Variants in FHIT observed in about 807,000 individuals in gnomAD.
FHIT encodes bis(5'-adenosyl)-triphosphatase.
In FHIT, 19 loss-of-function variants were observed where a neutral mutation model predicts 17.9. That is an observed-to-expected ratio of 1.06 (90% CI 0.74 to 1.56). The LOEUF is 1.56. FHIT is among the 40% of genes most tolerant of loss of function. The pLI is 0.00. For synonymous variants in FHIT, 81 were observed against 69.7 expected (o/e 1.16, Z -0.81); for missense variants, 248 against 189.2 (o/e 1.31, Z -1.82).
At chr3:60,167,113 T>C (rs899369499) in intron 5 of FHIT, among the ~76,000 whole-genome samples, 1 of 152,194 alleles carries the variant, frequency 6.6e-6, no homozygotes, top group African/African-American at 2.4e-5. Context: ...AAGACTGTCT[T>C]TCCCCCCTTT....
At chr3:61,110,362 C>T (rs2036121709) in intron 2 of FHIT, among the ~76,000 whole-genome samples, 1 of 152,128 alleles carries the variant, frequency 6.6e-6, no homozygotes, top group South Asian at 2.1e-4. Flanking sequence ...ACTCCAGTCA[C>T]ATCTTCAATG....
At chr3:59,999,925 T>C (rs1699663468) in intron 7 of FHIT, among the ~76,000 whole-genome samples, 1 of 152,084 alleles carries the variant, frequency 6.6e-6, no homozygotes, top group African/African-American at 2.4e-5. Flanking sequence ...CTAATTTAAA[T>C]GTCTGGAAGT....
At chr3:60,538,393 C>T (rs2036063846) in intron 4 of FHIT, among the ~76,000 whole-genome samples, 1 of 152,070 alleles carries the variant, frequency 6.6e-6, no homozygotes, top group Admixed American at 6.5e-5. Flanking sequence ...CAATGCCATC[C>T]CCATCAAGAT....
Position 60,584,816 on chromosome 3 carries a change from T to G in FHIT, c.-17-47837A>C, listed in dbSNP as rs139478008. 1.8e-3 allele frequency among the ~76,000 whole-genome samples: 272 copies of G among 152,116 alleles called. 3 individuals are homozygous for G. The highest frequency in any genetic ancestry group is 6.2e-3 in the African/African-American group (259 of 41,532). ...TATTTTTGCTACTACTGAATGAAGA[T>G]CCTTACAATGTAATATCTAGCAATG... On this transcript the variant is annotated intron_variant, in intron 4 of 9. Transcript: ENST00000492590.
rs1010948900 is a variant in FHIT at position 60,402,699 on chromosome 3, G to A, written c.103+134161C>T. On this transcript the variant is annotated intron_variant, in intron 5 of 9. Coordinates refer to ENST00000492590, the MANE Select transcript of FHIT (RefSeq NM_002012.4). ...ATACAATACCATCTGTAATAAAGTA[G>A]CACTAGCACTCATCTGGACTATTTT... 2.6e-5 allele frequency among the ~76,000 whole-genome samples: 4 copies of A among 152,098 alleles called. No homozygotes were observed. The East Asian group carries it at 7.7e-4, about 29-fold the overall frequency.
At chr3:59,799,235 G>C (rs1699898940) in intron 8 of FHIT, among the ~76,000 whole-genome samples, 2 of 152,142 alleles carry the variant, frequency 1.3e-5, no homozygotes, top group African/African-American at 4.8e-5. Flanking sequence ...TGGGTGACTG[G>C]GCAGGTCTTG....
chr3:60,569,734 T>TATATATAC lies in FHIT; in HGVS notation c.-17-32756_-17-32755insGTATATAT, dbSNP rs1553654735. On this transcript the variant is annotated intron_variant, in intron 4 of 9. Transcript: ENST00000492590. ...TATTTATTTATTAATACTATATATA[T>TATATATAC]ATATATATATATATATATATATTTT... 1.2e-3 allele frequency among the ~76,000 whole-genome samples: 52 copies of TATATATAC among 44,060 alleles called. 2 individuals are homozygous for TATATATAC. Among genetic ancestry groups the TATATATAC allele is most frequent in the South Asian group, 5.1e-3 (4 of 784 alleles). The allele number at this position is 44,060 out of a possible 152,430, so 28.9% of individuals were successfully genotyped here. A position where few individuals can be genotyped will look rare whatever the true frequency, so the allele number is the denominator to read the frequency against.
chr3:60,766,046 T>TTC (rs1343087302), intron 4 of FHIT, among the ~76,000 whole-genome samples: 4 of 152,020 alleles, frequency 2.6e-5, no homozygotes, highest in Non-Finnish European at 5.9e-5. Context: ...CACTACCAGC[T>TTC]TCTCTCTCTC....
chr3:60,925,601 G>C (rs1200292956), intron 3 of FHIT, among the ~76,000 whole-genome samples: 12 of 152,152 alleles, frequency 7.9e-5, no homozygotes, highest in African/African-American at 2.9e-4. Flanking sequence ...AGCCACTGCA[G>C]AAATATACCA....
chr3:60,400,273 G>C (rs1701611207), intron 5 of FHIT, among the ~76,000 whole-genome samples: 2 of 152,128 alleles, frequency 1.3e-5, no homozygotes, highest in Admixed American at 6.6e-5. Context: ...TGGAGACATG[G>C]AGAACAGAGG....
chr3:60,484,593 G>T (rs2033757208), intron 5 of FHIT, among the ~76,000 whole-genome samples: 1 of 152,146 alleles, frequency 6.6e-6, no homozygotes. Context: ...TCAATAAATG[G>T]TTCTGGGAAA....
chr3:60,537,016 T>C, intron 4 of FHIT, 37 bp from the exon 5 acceptor site: 3 of 1,559,692 alleles, frequency 1.9e-6, no homozygotes, highest in South Asian at 1.2e-5. Context: ...TAAAATTCAA[T>C]TAAGAAACTC....
chr3:61,086,519 C>T (rs1314350010), intron 2 of FHIT, among the ~76,000 whole-genome samples: 1 of 152,146 alleles, frequency 6.6e-6, no homozygotes, highest in Non-Finnish European at 1.5e-5. Flanking sequence ...TTAGCTGCTG[C>T]TTTCTATTGG....
At chr3:59,905,522 G>C (rs905560514) in intron 8 of FHIT, among the ~76,000 whole-genome samples, 1 of 152,202 alleles carries the variant, frequency 6.6e-6, no homozygotes. Context: ...TTTTATAGGT[G>C]TGTGCAGGAG....
At chr3:60,648,894 C>T (rs2682945) in intron 4 of FHIT, among the ~76,000 whole-genome samples, 119,781 of 152,148 alleles carry the variant, frequency 0.79, 47,277 homozygotes, top group East Asian at 0.85. Context: ...ATAAGGGGCA[C>T]GTGGAGGAAT....
At chr3:60,635,060 GT>G (rs2039546233) in intron 4 of FHIT, among the ~76,000 whole-genome samples, 1 of 151,710 alleles carries the variant, frequency 6.6e-6, no homozygotes, top group Admixed American at 6.6e-5. Context: ...ATTGAAAAAT[GT>G]TTCCAATTAG....
At chr3:59,945,695 CTTGAGT>C (rs1425767265) in intron 7 of FHIT, among the ~76,000 whole-genome samples, 8 of 152,230 alleles carry the variant, frequency 5.3e-5, no homozygotes, top group African/African-American at 1.7e-4. Context: ...TTTAATCCAT[CTTGAGT>C]TTATTTTTGC....
At chr3:60,185,791 G>T (rs1702134362) in intron 5 of FHIT, among the ~76,000 whole-genome samples, 1 of 152,060 alleles carries the variant, frequency 6.6e-6, no homozygotes, top group East Asian at 1.9e-4. Flanking sequence ...GGTATTGTCA[G>T]TTTTTGGTAT....
At chr3:60,936,149 T>G (rs1164031587) in intron 3 of FHIT, among the ~76,000 whole-genome samples, 1 of 152,164 alleles carries the variant, frequency 6.6e-6, no homozygotes, top group Non-Finnish European at 1.5e-5. Flanking sequence ...AATTAATAAT[T>G]TTCTACAGAA....
Sources: gnomAD v4.1 joint callset for allele counts (sites outside exome capture counted in the v4.1 genomes callset) on GRCh38, gnomAD v4.1.1 for gene constraint, MANE v1.5 for transcripts, NCBI Gene and HGNC (gene_info 2026-07-23, HGNC 2026-07-21) for gene names.